Variants in SARDH observed in about 807,000 individuals in gnomAD.
SARDH encodes sarcosine dehydrogenase, also known as sarcosine dehydrogenase, mitochondrial.
A neutral mutation model predicts 109.1 loss-of-function variants in SARDH; 95 were observed. That is an observed-to-expected ratio of 0.87 (90% CI 0.74 to 1.03). The LOEUF is 1.03. Among genes scored for constraint, SARDH ranks in the 50% least tolerant of loss-of-function variants. The probability of loss-of-function intolerance (pLI) is 0.00; values close to 1 mark genes in which losing one functional copy is unlikely to be tolerated. For synonymous variants in SARDH, 572 were observed against 534.8 expected (o/e 1.07, Z -0.96); for missense variants, 1,267 against 1,287.8 (o/e 0.98, Z 0.25).
intron 8 of SARDH, among the ~76,000 whole-genome samples, chr9:133,716,558 C>T (rs1588440912): frequency 6.6e-6 from 1 of 151,196 alleles, no homozygotes; most frequent in African/African-American, 2.4e-5. Flanking sequence ...CCCAGGCCAG[C>T]AGCCTCAGCC....
chr9:133,667,192 T>G, intron 19 of SARDH: 2 of 430,456 alleles, frequency 4.6e-6, no homozygotes, highest in Non-Finnish European at 3.9e-6. Flanking sequence ...TGTTCAACTC[T>G]GGTTTTTTTT....
At position 133,708,282 on chromosome 9, in the gene SARDH, G is replaced by C. The variant is rs373058786; in HGVS notation, c.1470+5C>G. 6.2e-7 allele frequency: 1 copy of C among 1,611,168 alleles called. No individual in the cohort carries two copies. Reference sequence around the variant, plus strand: ...AGTCCCCAGCAGGAGCTGTAGGGGCGTTACCTCGTGCAGCGGGTCTCTCCT... The same window carrying C: ...AGTCCCCAGCAGGAGCTGTAGGGGCCTTACCTCGTGCAGCGGGTCTCTCCT... On this transcript the variant is annotated splice_donor_5th_base_variant and intron_variant, in intron 11 of 20. Transcript: ENST00000439388.
intron 4 of SARDH, 122 bp from the exon 5 acceptor site, chr9:133,730,309 G>T: frequency 1.5e-6 from 2 of 1,319,688 alleles, no homozygotes; most frequent in Non-Finnish European, 2.1e-6. Flanking sequence ...CCAGCAGCAG[G>T]TCCCCTGCGA....
At chr9:133,723,463 G>A (rs776468927) in intron 6 of SARDH, among the ~76,000 whole-genome samples, 8 of 152,172 alleles carry the variant, frequency 5.3e-5, no homozygotes, top group African/African-American at 1.7e-4. Context: ...ATTGAGAGTC[G>A]AGAAATAAAC....
intron 6 of SARDH, among the ~76,000 whole-genome samples, chr9:133,720,917 T>C (rs1300132803): frequency 6.6e-6 from 1 of 152,082 alleles, no homozygotes; most frequent in African/African-American, 2.4e-5. Context: ...ATAGTCAAAA[T>C]TTAAAATTCA....
chr9:133,695,168 C>T (rs139350718), intron 14 of SARDH, among the ~76,000 whole-genome samples: 1 of 152,170 alleles, frequency 6.6e-6, no homozygotes, highest in African/African-American at 2.4e-5. Context: ...GTCCTTCTAA[C>T]ACGGTGGCTC....
At chr9:133,727,974 C>G (rs935153321) in intron 6 of SARDH, among the ~76,000 whole-genome samples, 3 of 152,088 alleles carry the variant, frequency 2.0e-5, no homozygotes, top group Non-Finnish European at 2.9e-5. Context: ...GCTCTGCCCG[C>G]CCTCCCAGAA....
intron 13 of SARDH, among the ~76,000 whole-genome samples, chr9:133,701,044 T>A (rs564588472): frequency 2.6e-5 from 4 of 152,098 alleles, no homozygotes; most frequent in Admixed American, 6.5e-5. Flanking sequence ...CCTCACATAC[T>A]CAGGGAGGCC....
In SARDH at chr9:133,704,893, A is replaced by AGGGGGTT; in HGVS notation, c.1554+48_1554+54dup. Reference sequence around the variant, plus strand: ...CAAGGACGGGGCACGTGGAGGGGCAAGGGGGTTGTCAGGGCAGGGCCTCCC... The same window carrying AGGGGGTT: ...CAAGGACGGGGCACGTGGAGGGGCAAGGGGGTTGGGGGTTGTCAGGGCAGGGCCTCCC... On this transcript the variant is annotated intron_variant, in intron 12 of 20. Coordinates refer to ENST00000439388, the MANE Select transcript of SARDH (RefSeq NM_001134707.2). The surrounding 1 kb of genome is among the most constrained non-coding windows in gnomAD (Gnocchi z 4.5). The AGGGGGTT allele has an allele frequency of 6.8e-7, 1 of 1,475,420 alleles. No individual in the cohort carries two copies. The highest frequency in any genetic ancestry group is 1.2e-5 in the South Asian group (1 of 82,666). The allele number at this position is 1,475,420 out of a possible 1,614,324, so 91.4% of individuals were successfully genotyped here. A position where few individuals can be genotyped will look rare whatever the true frequency, so the allele number is the denominator to read the frequency against.
intron 6 of SARDH, among the ~76,000 whole-genome samples, chr9:133,727,769 C>G (rs568496690): frequency 6.6e-6 from 1 of 152,180 alleles, no homozygotes; most frequent in Non-Finnish European, 1.5e-5. Context: ...GTAAGTAACA[C>G]CCCCTAGCTT....
Position 133,730,462 on chromosome 9 carries a change from C to CTT in SARDH, c.691-277_691-276dup, listed in dbSNP as rs66513485. ...TTTCATAACGTGAAAAAGTAGCTGACTTTTTTTTAAAAAAAAAAAGCAAGA... is the reference window on the plus strand; with the variant it reads ...TTTCATAACGTGAAAAAGTAGCTGACTTTTTTTTTTAAAAAAAAAAAGCAAGA... On this transcript the variant is annotated intron_variant, in intron 4 of 20. Transcript: ENST00000439388. 3.5e-3 allele frequency among the ~76,000 whole-genome samples: 265 copies of CTT among 76,452 alleles called. 2 individuals carry two copies. The highest frequency in any genetic ancestry group is 7.3e-3 in the African/African-American group (136 of 18,542). The allele number at this position is 76,452 out of a possible 152,430, so 50.2% of individuals were successfully genotyped here. A position where few individuals can be genotyped will look rare whatever the true frequency, so the allele number is the denominator to read the frequency against.
In SARDH at chr9:133,709,266, C is replaced by T. The variant is rs1831822888; in HGVS notation, c.1329-838G>A. ...CTGTGGCTGCACCTGCGGCCTAGGC[C>T]TCTGCTGCCCCTGAGTGGGCAGAGC... is the stretch of plus-strand genomic sequence containing the variant. On this transcript the variant is annotated intron_variant, in intron 10 of 20. Transcript: ENST00000439388. The surrounding 1 kb of genome is among the most constrained non-coding windows in gnomAD (Gnocchi z 4.2). 6.6e-6 allele frequency among the ~76,000 whole-genome samples: 1 copy of T among 152,186 alleles called. No homozygotes were observed. Among genetic ancestry groups the T allele is most frequent in the Non-Finnish European group, 1.5e-5 (1 of 68,028 alleles).
At chr9:133,671,452 C>T (rs1349437916) in intron 18 of SARDH, 83 bp downstream of exon 18, 3 of 1,443,194 alleles carry the variant, frequency 2.1e-6, no homozygotes, top group Non-Finnish European at 2.8e-6. Context: ...AGGTAAACAG[C>T]TTCTCGGCCT....
chr9:133,680,337 G>A (rs1830654788), intron 17 of SARDH, among the ~76,000 whole-genome samples: 3 of 152,060 alleles, frequency 2.0e-5, no homozygotes, highest in Non-Finnish European at 4.4e-5. Flanking sequence ...AGTGTCTGTG[G>A]CTGACTCAAC....
At chr9:133,685,932 T>G (rs999889890) in intron 16 of SARDH, among the ~76,000 whole-genome samples, 9 of 152,240 alleles carry the variant, frequency 5.9e-5, no homozygotes, top group African/African-American at 2.2e-4. Flanking sequence ...GTCCTCTGCC[T>G]GACATGGGTG....
chr9:133,736,552 T>C (rs55638921), intron 1 of SARDH, among the ~76,000 whole-genome samples: 5,771 of 152,250 alleles, frequency 0.038, 369 homozygotes, highest in African/African-American at 0.13. Context: ...CATGCCACCA[T>C]GCCTGGCTAA....
At chr9:133,685,831 C>T (rs1468801478) in intron 16 of SARDH, among the ~76,000 whole-genome samples, 3 of 152,188 alleles carry the variant, frequency 2.0e-5, no homozygotes, top group Non-Finnish European at 2.9e-5. Context: ...ATTCCGGCCT[C>T]CTCCCAGCCC....
rs768212884 is a variant in SARDH, at chr9:133,712,596, C to T, written c.1328+23G>A. On this transcript the variant is annotated intron_variant, in intron 10 of 20. Transcript: ENST00000439388. This position sits in a 1 kb window ranked among gnomAD's most constrained non-coding sequence, Gnocchi z 4.1. ...CCTGTCCTGAGTGGCGGGCCCTGCC[C>T]TTAGGTCCCAATGGGCACTTACCTG... 80 of 1,596,428 alleles carry T rather than the reference C, an allele frequency of 5.0e-5. No individual in the cohort carries two copies. The highest frequency in any genetic ancestry group is 3.0e-4 in the Admixed American group (18 of 59,900).
intron 16 of SARDH, among the ~76,000 whole-genome samples, chr9:133,685,733 C>T (rs117696058): frequency 4.6e-4 from 70 of 152,196 alleles, no homozygotes; most frequent in African/African-American, 1.5e-3. Context: ...TTGGTAGCCA[C>T]GGCCCGAGAG....
Sources: allele counts gnomAD v4.1 joint callset (sites outside exome capture counted in the v4.1 genomes callset), GRCh38; gene constraint gnomAD v4.1.1; non-coding constraint Gnocchi (gnomAD v3.1); transcripts MANE v1.5; gene names NCBI Gene and HGNC (gene_info 2026-07-23, HGNC 2026-07-21).